The following VCL variants were observed in gnomAD, a reference collection of about 807,000 sequenced individuals.
VCL encodes the protein epididymis luminal protein 114.
A neutral mutation model predicts 125.7 loss-of-function variants in VCL; 47 were observed. The ratio of observed to expected loss-of-function variants is 0.37; its 90% CI spans 0.30 to 0.48. The LOEUF (loss-of-function observed/expected upper bound fraction) is 0.48, where lower values mean the gene tolerates loss of function less well. VCL is among the 20% of genes least tolerant of loss of function. VCL has a pLI of 0.99. For missense variants in VCL, 1,069 were observed against 1,455.5 expected, an observed-to-expected ratio of 0.73 and a Z score of 4.32; for synonymous variants, 458 against 514.6, an observed-to-expected ratio of 0.89 and a Z score of 1.49.
At chr10:74,062,757 A>C (rs1478605295) in intron 2 of VCL, among the ~76,000 whole-genome samples, 1 of 151,820 alleles carries the variant, frequency 6.6e-6, no homozygotes, top group East Asian at 1.9e-4. Context: ...GCTAATTTTT[A>C]AATTTTTTGT....
chr10:74,091,317 G>T lies in VCL; in HGVS notation c.1352+1119G>T, dbSNP rs144954085. On this transcript the variant is annotated intron_variant, in intron 10 of 21. Coordinates refer to ENST00000211998, the MANE Select transcript of VCL (RefSeq NM_014000.3). Reference sequence around the variant, plus strand: ...AATGGTGCTAACAGCAGACCTTCATGTGTGGTCATTCATGCCATCATTACT... The same window carrying T: ...AATGGTGCTAACAGCAGACCTTCATTTGTGGTCATTCATGCCATCATTACT... 4.7e-3 allele frequency among the ~76,000 whole-genome samples: 712 copies of T among 152,268 alleles called. 6 individuals carry two copies. The highest frequency in any genetic ancestry group is 0.016 in the African/African-American group (676 of 41,536).
chr10:74,023,120 G>A (rs1840703117), intron 1 of VCL, among the ~76,000 whole-genome samples: 1 of 152,236 alleles, frequency 6.6e-6, no homozygotes, highest in Admixed American at 6.5e-5. Context: ...AGCTTAGTGT[G>A]TACGTGCTTT....
At chr10:74,101,542 GTTTT>G (rs964739371) in intron 14 of VCL, among the ~76,000 whole-genome samples, 1 of 88,128 alleles carries the variant, frequency 1.1e-5, no homozygotes, top group East Asian at 3.3e-4. Flanking sequence ...CTATTTATTA[GTTTT>G]TTTTTTTTTT....
chr10:74,076,637 G>A lies in VCL; in HGVS notation c.783+1734G>A, dbSNP rs140885566. 3 of 152,716 alleles carry A rather than the reference G, an allele frequency of 2.0e-5. No individual in the cohort carries two copies. In the East Asian group the frequency reaches 5.8e-4, roughly 29 times the overall value. The allele number at this position is 152,716 out of a possible 1,614,324, so 9.5% of individuals were successfully genotyped here. Reference sequence around the variant, plus strand: ...AGAGGGTAGGCTAGAGAGCTTAGATGAGGCACCTGTCCTTCATAATAATCC... The same window carrying A: ...AGAGGGTAGGCTAGAGAGCTTAGATAAGGCACCTGTCCTTCATAATAATCC... On this transcript the variant is annotated intron_variant, in intron 6 of 21. Transcript: ENST00000211998.
intron 10 of VCL, among the ~76,000 whole-genome samples, chr10:74,092,249 G>C (rs1345498107): frequency 6.6e-6 from 1 of 152,112 alleles, no homozygotes; most frequent in Non-Finnish European, 1.5e-5. Context: ...AAGTTAGCCT[G>C]AAAGTTACCT....
intron 21 of VCL, among the ~76,000 whole-genome samples, chr10:74,115,105 G>A (rs1013566469): frequency 1.3e-5 from 2 of 152,104 alleles, no homozygotes; most frequent in African/African-American, 4.8e-5. Context: ...AGTGGCACAT[G>A]CAGGTAATCC....
intron 1 of VCL, among the ~76,000 whole-genome samples, chr10:74,026,893 G>A (rs1840780906): frequency 6.6e-6 from 1 of 152,122 alleles, no homozygotes; most frequent in South Asian, 2.1e-4. Context: ...ATGAAAATGG[G>A]TTGCATTTCA....
intron 2 of VCL, among the ~76,000 whole-genome samples, chr10:74,044,617 C>T (rs979390707): frequency 3.9e-5 from 6 of 152,138 alleles, no homozygotes; most frequent in Non-Finnish European, 5.9e-5. Context: ...CTTTGGAAAA[C>T]AACATGACAT....
chr10:74,007,389 C>T (rs543503919), intron 1 of VCL, among the ~76,000 whole-genome samples: 1 of 152,294 alleles, frequency 6.6e-6, no homozygotes, highest in African/African-American at 2.4e-5. Context: ...TTCAGCATAG[C>T]ATGGAGATGC....
chr10:74,102,545 G>A (rs1240363213), intron 14 of VCL, among the ~76,000 whole-genome samples: 1 of 152,200 alleles, frequency 6.6e-6, no homozygotes, highest in Non-Finnish European at 1.5e-5. Flanking sequence ...ATAAATTTGT[G>A]ATACTGGCTT....
intron 8 of VCL, among the ~76,000 whole-genome samples, chr10:74,083,844 A>G (rs1415796531): frequency 1.3e-5 from 2 of 151,396 alleles, no homozygotes; most frequent in African/African-American, 4.9e-5. Context: ...GGCGCCCGCC[A>G]TCACACCTGG....
intron 1 of VCL, among the ~76,000 whole-genome samples, chr10:74,022,658 C>T (rs1221279105): frequency 5.5e-5 from 8 of 145,410 alleles, no homozygotes; most frequent in Admixed American, 4.1e-4. Flanking sequence ...TTTTTTGAGA[C>T]GGAGTTTCGT....
At chr10:74,069,175 G>A (rs1043866578) in intron 2 of VCL, among the ~76,000 whole-genome samples, 2 of 151,906 alleles carry the variant, frequency 1.3e-5, no homozygotes, top group Admixed American at 6.6e-5. Flanking sequence ...GAGTAGCTGG[G>A]ATTACAGATG....
At chr10:74,106,498 AT>A (rs1840136826) in intron 16 of VCL, among the ~76,000 whole-genome samples, 1 of 152,200 alleles carries the variant, frequency 6.6e-6, no homozygotes, top group African/African-American at 2.4e-5. Context: ...TGGTACTACC[AT>A]GGCAGATCAT....
chr10:74,034,609 C>T (rs1840940450), intron 1 of VCL, among the ~76,000 whole-genome samples: 1 of 152,156 alleles, frequency 6.6e-6, no homozygotes, highest in African/African-American at 2.4e-5. Flanking sequence ...CTTTTGTATC[C>T]CCATCACACA....
chr10:74,095,077 T>C (rs1839945175), intron 11 of VCL, among the ~76,000 whole-genome samples: 1 of 152,226 alleles, frequency 6.6e-6, no homozygotes, highest in Non-Finnish European at 1.5e-5. Flanking sequence ...TGTCAAGAGC[T>C]TTAAACAAAG....
chr10:74,050,932 ATTTTTTTTTTTT>A (rs10607921), intron 2 of VCL, among the ~76,000 whole-genome samples: 8 of 77,440 alleles, frequency 1.0e-4, no homozygotes, highest in Non-Finnish European at 1.6e-4. Context: ...GTACTACTGT[ATTTTTTTTTTTT>A]TTTTTTTTTT....
chr10:74,089,437 T>C, intron 9 of VCL, 88 bp downstream of exon 9: 1 of 1,574,436 alleles, frequency 6.4e-7, no homozygotes, highest in Non-Finnish European at 8.6e-7. Flanking sequence ...CTGTCTCTTA[T>C]CATTTACTGT....
At chr10:74,016,432 A>C (rs11000847) in intron 1 of VCL, among the ~76,000 whole-genome samples, 1 of 151,674 alleles carries the variant, frequency 6.6e-6, no homozygotes, top group African/African-American at 2.4e-5. Flanking sequence ...GCAACATGAC[A>C]AAACTCCTTC....
Sources: allele counts gnomAD v4.1 joint callset (sites outside exome capture counted in the v4.1 genomes callset), GRCh38; gene constraint gnomAD v4.1.1; transcripts MANE v1.5; gene names NCBI Gene and HGNC (gene_info 2026-07-23, HGNC 2026-07-21).